Variants in RTL4 observed in about 807,000 individuals in gnomAD.
RTL4 encodes the protein retrotransposon Gag-like protein 4.
In RTL4, 4 loss-of-function variants were observed where a neutral mutation model predicts 5.3. That is an observed-to-expected ratio of 0.75 (90% CI 0.37 to 1.72). RTL4 has a LOEUF of 1.72. RTL4 is among the 40% of genes most tolerant of loss of function. The pLI is 0.04. For missense variants in RTL4, 260 were observed against 227.1 expected (o/e 1.14, Z -0.93); for synonymous variants, 98 against 87.3 (o/e 1.12, Z -0.68).
the RTL4 span, among the ~76,000 whole-genome samples, chrX:112,265,497 C>G: frequency 8.9e-6 from 1 of 111,965 alleles, no homozygotes; most frequent in South Asian, 3.8e-4. Flanking sequence ...ACATTCTGTC[C>G]TTTGAGATCT....
At chrX:112,295,822 C>T in the RTL4 span, among the ~76,000 whole-genome samples, 83 of 111,959 alleles carry the variant, frequency 7.4e-4, 1 homozygote, top group East Asian at 0.014. Flanking sequence ...TTTTCTCTGT[C>T]GAAATTACTG....
chrX:112,093,376 T>C, the RTL4 span, among the ~76,000 whole-genome samples: 41 of 111,804 alleles, frequency 3.7e-4, no homozygotes, highest in African/African-American at 1.3e-3. Context: ...TTATGTAACC[T>C]TCTCCCCAAC....
the RTL4 span, among the ~76,000 whole-genome samples, chrX:112,323,403 G>A: frequency 7.1e-4 from 79 of 111,536 alleles, no homozygotes; most frequent in Middle Eastern, 0.014. Context: ...TCTTTTATCA[G>A]CATTACACAT....
chrX:112,206,579 C>T, the RTL4 span, among the ~76,000 whole-genome samples: 1 of 111,144 alleles, frequency 9.0e-6, no homozygotes, highest in African/African-American at 3.3e-5. Flanking sequence ...TCCCCCTTTC[C>T]CTGGCTTCTA....
chrX:112,203,750 C>T, the RTL4 span, among the ~76,000 whole-genome samples: 1 of 112,079 alleles, frequency 8.9e-6, no homozygotes, highest in African/African-American at 3.2e-5. Context: ...GGGCCTATGA[C>T]TTCCCATGTA....
chrX:112,135,294 T>C, the RTL4 span, among the ~76,000 whole-genome samples: 2 of 111,966 alleles, frequency 1.8e-5, no homozygotes, highest in Admixed American at 1.9e-4. Flanking sequence ...TGCATTTCCT[T>C]AATGACTAAT....
the RTL4 span, among the ~76,000 whole-genome samples, chrX:112,389,022 T>C: frequency 9.0e-6 from 1 of 111,222 alleles, no homozygotes; most frequent in Admixed American, 9.6e-5. Context: ...ATGGTAGAAT[T>C]TGGCTGTGGA....
chrX:112,384,396 G>A, the RTL4 span, among the ~76,000 whole-genome samples: 6 of 111,893 alleles, frequency 5.4e-5, no homozygotes, highest in Admixed American at 5.7e-4. Context: ...AAGGTGTAAG[G>A]AAGGGGGCCA....
At chrX:112,083,047 A>T in the RTL4 span, among the ~76,000 whole-genome samples, 1 of 109,736 alleles carries the variant, frequency 9.1e-6, no homozygotes, top group Non-Finnish European at 1.9e-5. Flanking sequence ...CCAGGGGTGG[A>T]AGGAAGCCGC....
the RTL4 span, among the ~76,000 whole-genome samples, chrX:112,316,556 A>T: frequency 9.0e-6 from 1 of 111,656 alleles, no homozygotes; most frequent in African/African-American, 3.3e-5. Flanking sequence ...TCCATGTAAA[A>T]CCCTATGCTT....
the RTL4 span, among the ~76,000 whole-genome samples, chrX:112,261,710 A>G: frequency 1.1e-3 from 123 of 112,088 alleles, no homozygotes; most frequent in Non-Finnish European, 2.0e-3. Flanking sequence ...TTCATATGGA[A>G]CCAAAAAAGA....
At chrX:112,088,309 C>T in the RTL4 span, among the ~76,000 whole-genome samples, 3 of 110,236 alleles carry the variant, frequency 2.7e-5, no homozygotes, top group African/African-American at 6.6e-5. Context: ...CATACAATGT[C>T]TACCCTTTTG....
chrX:112,244,063 G>A, the RTL4 span, among the ~76,000 whole-genome samples: 1 of 112,309 alleles, frequency 8.9e-6, no homozygotes, highest in African/African-American at 3.2e-5. Flanking sequence ...CTGAGCAACA[G>A]TTTGTTGTGA....
At chrX:112,336,703 C>G in the RTL4 span, among the ~76,000 whole-genome samples, 1,408 of 112,089 alleles carry the variant, frequency 0.013, 9 homozygotes, top group South Asian at 0.026. Flanking sequence ...TGGCTAGTGG[C>G]CACTCTACTG....
the RTL4 span, among the ~76,000 whole-genome samples, chrX:112,170,836 C>T: frequency 5.4e-5 from 6 of 111,454 alleles, no homozygotes; most frequent in East Asian, 2.8e-4. Flanking sequence ...CTTTTCAAGG[C>T]GTATGCTTCC....
At chrX:112,426,449 C>T in the RTL4 span, among the ~76,000 whole-genome samples, 17 of 111,662 alleles carry the variant, frequency 1.5e-4, no homozygotes, top group South Asian at 6.2e-3. Context: ...GTGTTGAATA[C>T]ATAGATCAAG....
chrX:112,107,949 C>T, the RTL4 span, among the ~76,000 whole-genome samples: 5 of 111,456 alleles, frequency 4.5e-5, no homozygotes, highest in Non-Finnish European at 9.4e-5. Context: ...AACATTTGCT[C>T]TATTTTGATG....
chrX:112,337,245 A>G, the RTL4 span, among the ~76,000 whole-genome samples: 1 of 111,831 alleles, frequency 8.9e-6, no homozygotes. Flanking sequence ...CTTCTTTTTC[A>G]TTTACAGAAT....
chrX:112,127,218 A>T, the RTL4 span, among the ~76,000 whole-genome samples: 1 of 111,895 alleles, frequency 8.9e-6, no homozygotes, highest in Non-Finnish European at 1.9e-5. Flanking sequence ...GTTATACACC[A>T]TGGCAAAGTG....
Sources: allele counts gnomAD v4.1 joint callset (sites outside exome capture counted in the v4.1 genomes callset), GRCh38; gene constraint gnomAD v4.1.1; transcripts MANE v1.5; gene names NCBI Gene and HGNC (gene_info 2026-07-23, HGNC 2026-07-21).